Variants in EHF observed in about 807,000 individuals in gnomAD.
EHF encodes the protein ESE3 transcription factor.
EHF carries 14 observed loss-of-function variants against 45.1 expected under a neutral mutation model. The ratio of observed to expected loss-of-function variants is 0.31; its 90% CI spans 0.21 to 0.49. The LOEUF (loss-of-function observed/expected upper bound fraction) is 0.49, where lower values mean the gene tolerates loss of function less well. EHF is among the 20% of genes least tolerant of loss of function. The pLI is 0.99. For missense variants in EHF, 282 were observed against 371.4 expected (o/e 0.76, Z 1.98); for synonymous variants, 136 against 131.8 (o/e 1.03, Z -0.22).
At chr11:34,627,824 C>G (rs1252794793) in intron 1 of EHF, among the ~76,000 whole-genome samples, 1 of 152,142 alleles carries the variant, frequency 6.6e-6, no homozygotes, top group East Asian at 1.9e-4. Flanking sequence ...AGGCAAAACT[C>G]CATGGTAGTA....
rs1346432875 is a variant in EHF at position 34,660,586 on chromosome 11, A to C, written c.*1655A>C. ...TGGGGGTCCTGGAGACTTACCATTG[A>C]GCCATGCAATCTGGGAAGCACAGGA... is the stretch of plus-strand genomic sequence containing the variant. On this transcript the variant is annotated 3_prime_UTR_variant, in exon 9 of 9. Coordinates refer to ENST00000257831, the MANE Select transcript of EHF (RefSeq NM_012153.6). 15 of 152,200 alleles carry C rather than the reference A, an allele frequency of 9.9e-5. No homozygotes were observed. Among genetic ancestry groups the C allele is most frequent in the Admixed American group, 6.5e-5 (1 of 15,274 alleles). The allele number at this position is 152,200 out of a possible 1,614,324, so 9.4% of individuals were successfully genotyped here.
At chr11:34,650,392 G>T (rs1030912147) in intron 4 of EHF, among the ~76,000 whole-genome samples, 3 of 152,208 alleles carry the variant, frequency 2.0e-5, no homozygotes, top group Non-Finnish European at 4.4e-5. Context: ...CAAGGAGAGA[G>T]GGTGTAACCC....
chr11:34,632,617 G>A, intron 1 of EHF: 4 of 1,535,656 alleles, frequency 2.6e-6, no homozygotes, highest in Non-Finnish European at 3.5e-6. Flanking sequence ...AAGAGGATTG[G>A]TCCTGCTTTT....
rs184072204 is a variant in EHF at position 34,635,036 on chromosome 11, A to G, written c.-3-7592A>G. Among the ~76,000 whole-genome samples, 6 of 152,326 alleles carry G rather than the reference A, an allele frequency of 3.9e-5. No individual in the cohort carries two copies. In the East Asian group the frequency reaches 9.6e-4, roughly 24 times the overall value. On this transcript the variant is annotated intron_variant, in intron 1 of 8. Transcript: ENST00000257831. ...TCAGAGAGGCCATCTGTTAAATGAC[A>G]TAATGCCTCCTAGAGTTGTTGTGAG... is the stretch of plus-strand genomic sequence containing the variant.
chr11:34,627,576 A>T (rs1431094033), intron 1 of EHF, among the ~76,000 whole-genome samples: 1 of 152,018 alleles, frequency 6.6e-6, no homozygotes, highest in Non-Finnish European at 1.5e-5. Context: ...TTGCCCAGAC[A>T]CTCTGGGGTC....
chr11:34,661,967 C>G lies in EHF; in HGVS notation c.*3036C>G, dbSNP rs2281909. The stretch of plus-strand genomic sequence containing the variant: ...GACTTGGTAAGACTTAAGTAAGGCT[C>G]TGGCTCCCAGGGGCATAAGCAACAG... On this transcript the variant is annotated 3_prime_UTR_variant, in exon 9 of 9. Transcript: ENST00000257831. 0.16 allele frequency among the ~76,000 whole-genome samples: 24,866 copies of G among 152,098 alleles called. 2,349 individuals carry two copies. Among genetic ancestry groups the G allele is most frequent in the East Asian group, 0.42 (2,180 of 5,164 alleles).
At chr11:34,634,228 GAC>G (rs1347663255) in intron 1 of EHF, among the ~76,000 whole-genome samples, 1 of 152,008 alleles carries the variant, frequency 6.6e-6, no homozygotes, top group East Asian at 1.9e-4. Context: ...CCTTTGAAAC[GAC>G]AGTCATATTG....
At chr11:34,640,120 A>T (rs1047210347) in intron 1 of EHF, among the ~76,000 whole-genome samples, 1 of 151,466 alleles carries the variant, frequency 6.6e-6, no homozygotes, top group African/African-American at 2.4e-5. Flanking sequence ...TTTATCAGGT[A>T]CAGAAAGTGA....
At chr11:34,651,863 G>T in intron 6 of EHF, 58 bp downstream of exon 6, 1 of 1,496,146 alleles carries the variant, frequency 6.7e-7, no homozygotes, top group Non-Finnish European at 9.2e-7. Context: ...GAATCAGTGG[G>T]AATTACCAAC....
At chr11:34,640,582 G>C (rs964288829) in intron 1 of EHF, among the ~76,000 whole-genome samples, 3 of 152,198 alleles carry the variant, frequency 2.0e-5, no homozygotes, top group African/African-American at 7.2e-5. Context: ...TGGGGACTTA[G>C]AGATTTTCTT....
intron 7 of EHF, among the ~76,000 whole-genome samples, chr11:34,657,956 A>G (rs1855820762): frequency 6.6e-6 from 1 of 152,040 alleles, no homozygotes; most frequent in Non-Finnish European, 1.5e-5. Flanking sequence ...TTTGGTTGAT[A>G]ATCTTATTGC....
At chr11:34,626,140 A>T (rs562282277) in intron 1 of EHF, among the ~76,000 whole-genome samples, 2 of 152,296 alleles carry the variant, frequency 1.3e-5, no homozygotes, top group Admixed American at 1.3e-4. Context: ...GCAATTATGA[A>T]CATCAAATTT....
intron 2 of EHF, among the ~76,000 whole-genome samples, chr11:34,643,560 G>C (rs1390496920): frequency 6.6e-6 from 1 of 152,216 alleles, no homozygotes; most frequent in Admixed American, 6.5e-5. Context: ...AGCTTGGGAG[G>C]AGGCAGAAGT....
chr11:34,633,377 G>A (rs533133178), intron 1 of EHF, among the ~76,000 whole-genome samples: 1 of 152,280 alleles, frequency 6.6e-6, no homozygotes, highest in South Asian at 2.1e-4. Flanking sequence ...ATCTCCTGGA[G>A]TTGATCATCT....
rs1320846044 is a variant in EHF at position 34,629,400 on chromosome 11, C to T, written c.-4+8172C>T. Among the ~76,000 whole-genome samples, 84 of 152,156 alleles carry T rather than the reference C, an allele frequency of 5.5e-4. 1 individual carries two copies. Among genetic ancestry groups the T allele is most frequent in the Admixed American group, 5.5e-3 (84 of 15,276 alleles). On this transcript the variant is annotated intron_variant, in intron 1 of 8. Coordinates refer to ENST00000257831, the MANE Select transcript of EHF (RefSeq NM_012153.6). The stretch of plus-strand genomic sequence containing the variant: ...GAAGGAAAAATGAGACCTGGTGTGC[C>T]ACGAGTCTAGTGTTCTCATAGGAAG...
chr11:34,656,233 T>C (rs1349528037), intron 6 of EHF, among the ~76,000 whole-genome samples: 2 of 152,184 alleles, frequency 1.3e-5, no homozygotes, highest in African/African-American at 2.4e-5. Flanking sequence ...AACTAATCTG[T>C]GTTTCCATAG....
intron 4 of EHF, among the ~76,000 whole-genome samples, chr11:34,649,560 G>T (rs1215113303): frequency 2.0e-5 from 3 of 152,192 alleles, no homozygotes; most frequent in Non-Finnish European, 4.4e-5. Context: ...GGGAGCTTCT[G>T]CAGAGATGTA....
intron 3 of EHF, among the ~76,000 whole-genome samples, chr11:34,647,080 CAAAA>C (rs1854629127): frequency 7.2e-6 from 1 of 139,616 alleles, no homozygotes; most frequent in African/African-American, 2.8e-5. Context: ...CAAAACAAAA[CAAAA>C]CCCCCCCCAC....
chr11:34,651,157 C>T (rs902092822), intron 4 of EHF, among the ~76,000 whole-genome samples: 2 of 148,208 alleles, frequency 1.3e-5, no homozygotes, highest in African/African-American at 2.5e-5. Context: ...TAATCCCTAA[C>T]AAGGCCTTCC....
Sources: allele counts gnomAD v4.1 joint callset (sites outside exome capture counted in the v4.1 genomes callset), GRCh38; gene constraint gnomAD v4.1.1; transcripts MANE v1.5; gene names NCBI Gene and HGNC (gene_info 2026-07-23, HGNC 2026-07-21).